CPAMD8: variants seen among roughly 807,000 people sequenced by gnomAD.
CPAMD8 encodes the protein C3 and PZP like alpha-2-macroglobulin domain containing 8, also known as C3 and PZP-like alpha-2-macroglobulin domain-containing protein 8.
A neutral mutation model predicts 224.7 loss-of-function variants in CPAMD8; 146 were observed. That is an observed-to-expected ratio of 0.65 (90% CI 0.57 to 0.75). CPAMD8 has a LOEUF of 0.75. CPAMD8 is among the 30% of genes least tolerant of loss of function. The probability of loss-of-function intolerance (pLI) is 0.00; values close to 1 mark genes in which losing one functional copy is unlikely to be tolerated. For synonymous variants in CPAMD8, 966 were observed against 1,044.6 expected (o/e 0.92, Z 1.45); for missense variants, 2,301 against 2,537.5 (o/e 0.91, Z 2.00).
Position 16,929,183 on chromosome 19 carries a change from A to G in CPAMD8, c.2903T>C (p.Leu968Pro), listed in dbSNP as rs774336029. ...KYEFQYVQRPLRLTRFDVAVR... is the reference protein window; with the variant it reads ...KYEFQYVQRPPRLTRFDVAVR... Reference sequence around the variant, plus strand: ...AGCCACATCAAAGCGGGTGAGGCGCAGTGGCCGCTGCACATACTGGAACTC... The same window carrying G: ...AGCCACATCAAAGCGGGTGAGGCGCGGTGGCCGCTGCACATACTGGAACTC... The change falls in exon 24 of 42, where the codon CTG becomes CCG. Residue 968 changes from leucine (L) to proline (P), a missense_variant. Physicochemically the swap from Leu to Pro is moderately conservative, Grantham distance 98 (BLOSUM62 -3). Around this residue, in one of 4 missense-constraint regions of CPAMD8, gnomAD observed 1,709 missense variants for 1,753.2 expected, o/e 0.97. Transcript: ENST00000443236. 6.2e-6 allele frequency: 10 copies of G among 1,613,872 alleles called. No individual in the cohort carries two copies. In the Middle Eastern group the frequency reaches 4.9e-4, roughly 80 times the overall value.
rs773424430 is a variant in CPAMD8 at position 17,004,274 on chromosome 19, A to G, written c.672T>C (p.Tyr224=). The G allele has an allele frequency of 6.3e-7, 1 of 1,594,510 alleles. No individual in the cohort carries two copies. The highest frequency in any genetic ancestry group is 1.1e-5 in the South Asian group (1 of 90,620). ...AGACCCTGAGATTCTCCAACTTACCATACTTCTGAACTTCAAAAGACTTGT... is the reference window on the plus strand; with the variant it reads ...AGACCCTGAGATTCTCCAACTTACCGTACTTCTGAACTTCAAAAGACTTGT... ...AYNKSFEVQK[Y]VLPKFELLID... The change falls in exon 8 of 42, where the codon TAT becomes TAC. Residue 224 remains tyrosine (Y), a splice_region_variant and synonymous_variant. Coordinates refer to ENST00000443236, the MANE Select transcript of CPAMD8 (RefSeq NM_015692.5).
intron 13 of CPAMD8, among the ~76,000 whole-genome samples, chr19:16,981,949 G>A (rs1181267895): frequency 6.6e-6 from 1 of 152,198 alleles, no homozygotes; most frequent in East Asian, 1.9e-4. Context: ...AATGCACACT[G>A]TAGGTGGCTA....
chr19:16,928,794 A>ATTTTTTTT (rs2053455347), intron 24 of CPAMD8, 148 bp downstream of exon 24: 1 of 581,726 alleles, frequency 1.7e-6, no homozygotes. Context: ...TCGGTAAGCG[A>ATTTTTTTT]CTCTAGACTA....
In CPAMD8 at chr19:16,921,057, C is replaced by T. The variant is rs1313514321; in HGVS notation, c.3629+848G>A. On this transcript the variant is annotated intron_variant, in intron 27 of 41. Coordinates refer to ENST00000443236, the MANE Select transcript of CPAMD8 (RefSeq NM_015692.5). Reference sequence around the variant, plus strand: ...GTTATCAGCTGTCGGCAAGGCAGGGCCCTGGGACTAGAGCTGGGACAGTGT... The same window carrying T: ...GTTATCAGCTGTCGGCAAGGCAGGGTCCTGGGACTAGAGCTGGGACAGTGT... 2.6e-5 allele frequency among the ~76,000 whole-genome samples: 4 copies of T among 152,014 alleles called. No homozygotes were observed. The East Asian group carries it at 7.7e-4, about 29-fold the overall frequency.
chr19:16,914,391 C>A (rs750332926), intron 29 of CPAMD8, 33 bp downstream of exon 29: 2 of 1,595,706 alleles, frequency 1.3e-6, no homozygotes, highest in Non-Finnish European at 1.7e-6. Context: ...CAGTGCCCAG[C>A]CCCGAGTCTC....
In CPAMD8 at chr19:16,902,332, T is replaced by A. The variant is rs111869277; in HGVS notation, c.4685+317A>T. The stretch of plus-strand genomic sequence containing the variant: ...GAGTTCGAGACCAGCCTGGCCAACA[T>A]GGTGAAACCCTGTATCTACTAAAAA... On this transcript the variant is annotated intron_variant, in intron 35 of 41. Transcript: ENST00000443236. 1.2e-3 allele frequency among the ~76,000 whole-genome samples: 190 copies of A among 152,120 alleles called. 2 individuals are homozygous for A. The highest frequency in any genetic ancestry group is 4.4e-3 in the African/African-American group (182 of 41,486).
chr19:16,973,037 C>T (rs1282872334), intron 17 of CPAMD8, among the ~76,000 whole-genome samples: 1 of 151,800 alleles, frequency 6.6e-6, no homozygotes, highest in Non-Finnish European at 1.5e-5. Flanking sequence ...GGCATGATGG[C>T]GTGTGTCTGT....
At chr19:16,917,280 T>C (rs2052997647) in intron 27 of CPAMD8, among the ~76,000 whole-genome samples, 2 of 152,008 alleles carry the variant, frequency 1.3e-5, no homozygotes, top group Non-Finnish European at 2.9e-5. Flanking sequence ...AACTCTAATG[T>C]AGATTATGAA....
At chr19:16,993,835 G>C (rs1279623543) in intron 11 of CPAMD8, among the ~76,000 whole-genome samples, 1 of 152,158 alleles carries the variant, frequency 6.6e-6, no homozygotes, top group East Asian at 1.9e-4. Flanking sequence ...CTACTCAAGA[G>C]GCTTCCAAGG....
intron 27 of CPAMD8, among the ~76,000 whole-genome samples, chr19:16,919,729 T>C (rs1196654136): frequency 6.6e-6 from 1 of 152,230 alleles, no homozygotes; most frequent in East Asian, 1.9e-4. Flanking sequence ...GTGTTCCTTT[T>C]TCCCCCAGGA....
intron 17 of CPAMD8, among the ~76,000 whole-genome samples, chr19:16,973,009 T>C (rs1228926889): frequency 1.3e-5 from 2 of 151,578 alleles, no homozygotes; most frequent in African/African-American, 4.8e-5. Context: ...TCTCTATAAA[T>C]ACGAAAAAAA....
At chr19:16,968,786 T>A (rs2054947664) in intron 18 of CPAMD8, among the ~76,000 whole-genome samples, 1 of 152,082 alleles carries the variant, frequency 6.6e-6, no homozygotes, top group Non-Finnish European at 1.5e-5. Flanking sequence ...ACTACAGGCA[T>A]GAGCCACCAC....
chr19:16,997,578 C>T (rs1297883129), intron 10 of CPAMD8, among the ~76,000 whole-genome samples: 10 of 151,970 alleles, frequency 6.6e-5, no homozygotes, highest in Non-Finnish European at 8.8e-5. Flanking sequence ...AGGCTGGGTG[C>T]GGTGGCTCAC....
At chr19:16,983,950 C>T (rs2055612490) in intron 13 of CPAMD8, among the ~76,000 whole-genome samples, 1 of 152,124 alleles carries the variant, frequency 6.6e-6, no homozygotes, top group South Asian at 2.1e-4. Flanking sequence ...AATTTCAAAA[C>T]TTACTACAAA....
At chr19:16,950,767 T>C (rs1599766826) in intron 20 of CPAMD8, among the ~76,000 whole-genome samples, 1 of 126,030 alleles carries the variant, frequency 7.9e-6, no homozygotes, top group Admixed American at 9.9e-5. Context: ...CGCTCCAGCC[T>C]GGGTGATAGA....
Position 16,906,965 on chromosome 19 carries a change from C to T in CPAMD8, c.4014G>A (p.Leu1338=). ...AGGGACACCTACCTCGCATGATGGC[C>T]AGGCTACGGAGCTTGCGCAGTGCCT... is the stretch of plus-strand genomic sequence containing the variant. ...APEALRKLRS[L]AIMRDGVTHW... Residue 1338 remains leucine, a synonymous_variant, in exon 30 of 42, where the codon CTG becomes CTA. Transcript: ENST00000443236. The T allele has an allele frequency of 6.3e-7, 1 of 1,589,710 alleles. No homozygotes were observed. The highest frequency in any genetic ancestry group is 1.8e-5 in the Admixed American group (1 of 54,538).
intron 29 of CPAMD8, 106 bp downstream of exon 29, chr19:16,914,315 CAGA>C (rs1436730400): frequency 7.3e-6 from 6 of 823,438 alleles, no homozygotes; most frequent in East Asian, 2.5e-5. Flanking sequence ...CGATAATGAG[CAGA>C]AGGAGGGCAG....
chr19:16,989,558 A>T, intron 13 of CPAMD8, 85 bp downstream of exon 13: 1 of 1,513,776 alleles, frequency 6.6e-7, no homozygotes, highest in South Asian at 1.2e-5. Flanking sequence ...AAATGCTGGG[A>T]TTACAGGCAT....
rs773730561 is a variant in CPAMD8 at position 16,975,284 on chromosome 19, T to C, written c.1909-26A>G. On this transcript the variant is annotated intron_variant, in intron 16 of 41. Transcript: ENST00000443236. ...CTGCAGGCAAAGGGGGACAGAGACT[T>C]GTCAGCTGAAGTTTTCTTTACAACC... 3.8e-6 allele frequency: 6 copies of C among 1,581,916 alleles called. No individual in the cohort carries two copies. In the South Asian group the frequency reaches 5.7e-5, roughly 15 times the overall value.
Sources: gnomAD v4.1 joint callset for allele counts (sites outside exome capture counted in the v4.1 genomes callset) on GRCh38, gnomAD v4.1.1 for gene constraint, gnomAD v4.1.1 regional missense constraint, MANE v1.5 for transcripts, NCBI Gene and HGNC (gene_info 2026-07-23, HGNC 2026-07-21) for gene names.